Variants in CACNB4 observed in about 807,000 individuals in gnomAD.
CACNB4 encodes calcium voltage-gated channel auxiliary subunit beta 4, also known as voltage-dependent L-type calcium channel subunit beta-4.
CACNB4 carries 32 observed loss-of-function variants against 71.2 expected under a neutral mutation model. The ratio of observed to expected loss-of-function variants is 0.45; its 90% CI spans 0.34 to 0.60. CACNB4 has a LOEUF of 0.60. Among genes scored for constraint, CACNB4 ranks in the 20% least tolerant of loss-of-function variants. The pLI is 0.01. For missense variants in CACNB4, 464 were observed against 647.9 expected, an observed-to-expected ratio of 0.72 and a Z score of 3.08; for synonymous variants, 231 against 236.9, an observed-to-expected ratio of 0.97 and a Z score of 0.23.
intron 2 of CACNB4, among the ~76,000 whole-genome samples, chr2:151,884,617 A>T (rs2099848864): frequency 7.0e-6 from 1 of 141,892 alleles, no homozygotes; most frequent in African/African-American, 2.6e-5. Context: ...CCTGGGCGAC[A>T]CAGCGAGACT....
intron 2 of CACNB4, among the ~76,000 whole-genome samples, chr2:151,951,123 G>A (rs2099866827): frequency 6.6e-6 from 1 of 151,786 alleles, no homozygotes; most frequent in Non-Finnish European, 1.5e-5. Flanking sequence ...ACGGGGTTTC[G>A]CCATGTTGGC....
chr2:151,998,952 T>C (rs1048264569), intron 2 of CACNB4, among the ~76,000 whole-genome samples: 4 of 152,190 alleles, frequency 2.6e-5, no homozygotes, highest in Non-Finnish European at 5.9e-5. Flanking sequence ...CTCACGAAGA[T>C]GCAAAAGTAC....
chr2:152,073,667 T>A (rs533035354), intron 2 of CACNB4, among the ~76,000 whole-genome samples: 6 of 152,314 alleles, frequency 3.9e-5, no homozygotes, highest in Middle Eastern at 3.4e-3. Flanking sequence ...AAATACATTT[T>A]AAAAATGGAA....
intron 2 of CACNB4, among the ~76,000 whole-genome samples, chr2:151,984,856 A>G (rs765249078): frequency 7.9e-5 from 12 of 152,108 alleles, no homozygotes; most frequent in Non-Finnish European, 1.5e-4. Context: ...TATTTCAGCC[A>G]CTCATTATAC....
intron 2 of CACNB4, among the ~76,000 whole-genome samples, chr2:151,893,056 C>T (rs1290355252): frequency 1.3e-5 from 2 of 152,054 alleles, no homozygotes; most frequent in African/African-American, 4.8e-5. Flanking sequence ...TATAAAACTA[C>T]AAAAGTTAAA....
chr2:152,009,200 A>G, intron 2 of CACNB4, among the ~76,000 whole-genome samples: 1 of 151,904 alleles, frequency 6.6e-6, no homozygotes, highest in Non-Finnish European at 1.5e-5. Flanking sequence ...AAAAAAAAAA[A>G]AAAAGAAAGA....
intron 2 of CACNB4, chr2:151,962,829 T>C (rs1483249506): frequency 6.6e-6 from 1 of 152,184 alleles, no homozygotes; most frequent in African/African-American, 2.4e-5. Flanking sequence ...GGTCTACAAG[T>C]AGATAAAGTT....
At chr2:152,015,960 C>T (rs1048474274) in intron 2 of CACNB4, among the ~76,000 whole-genome samples, 1 of 152,176 alleles carries the variant, frequency 6.6e-6, no homozygotes, top group Admixed American at 6.5e-5. Flanking sequence ...AAAAATACAT[C>T]GTTTACAAAA....
intron 2 of CACNB4, among the ~76,000 whole-genome samples, chr2:152,070,453 G>A (rs558038578): frequency 6.6e-6 from 1 of 152,228 alleles, no homozygotes; most frequent in Non-Finnish European, 1.5e-5. Flanking sequence ...GTCAACATGG[G>A]CTGTGGCCCC....
In CACNB4 at chr2:151,836,377, G is replaced by C. The variant is rs1212371178; in HGVS notation, c.*2742C>G. ...TTTTTCAAAGGTGCTTGGTGTGCTT[G>C]GCAAAAATAAAACTTTTCATTTAGT... is the stretch of plus-strand genomic sequence containing the variant. On this transcript the variant is annotated 3_prime_UTR_variant, in exon 14 of 14. Transcript: ENST00000539935. 6.6e-6 allele frequency: 1 copy of C among 151,420 alleles called. No homozygotes were observed. The highest frequency in any genetic ancestry group is 1.5e-5 in the Non-Finnish European group (1 of 67,660). 9.4% of individuals were successfully genotyped at this position (151,420 alleles called of 1,614,324 possible).
intron 2 of CACNB4, among the ~76,000 whole-genome samples, chr2:152,057,283 T>G (rs1307010159): frequency 6.6e-6 from 1 of 152,130 alleles, no homozygotes; most frequent in East Asian, 1.9e-4. Context: ...AATCCTCAGA[T>G]GAGACCCCAG....
At chr2:152,076,290 T>C (rs1687011517) in intron 2 of CACNB4, among the ~76,000 whole-genome samples, 1 of 150,472 alleles carries the variant, frequency 6.6e-6, no homozygotes, top group Non-Finnish European at 1.5e-5. Context: ...TACAGGCTCC[T>C]GACACCACAC....
chr2:151,919,378 T>C (rs1232440587), intron 2 of CACNB4, among the ~76,000 whole-genome samples: 1 of 152,248 alleles, frequency 6.6e-6, no homozygotes, highest in East Asian at 1.9e-4. Flanking sequence ...ATTAGAGATG[T>C]TAGCCACCGC....
chr2:151,928,745 T>G (rs2099860889), intron 2 of CACNB4, among the ~76,000 whole-genome samples: 1 of 151,832 alleles, frequency 6.6e-6, no homozygotes, highest in Non-Finnish European at 1.5e-5. Context: ...GGCAACATGG[T>G]GAAACCCTGT....
intron 2 of CACNB4, among the ~76,000 whole-genome samples, chr2:151,996,439 T>C: frequency 6.7e-6 from 1 of 149,884 alleles, no homozygotes; most frequent in Non-Finnish European, 1.5e-5. Context: ...ATCACGCTGC[T>C]GCACTCCAGC....
chr2:151,958,449 C>G (rs1014638564), intron 2 of CACNB4, among the ~76,000 whole-genome samples: 10 of 152,192 alleles, frequency 6.6e-5, no homozygotes, highest in Non-Finnish European at 1.2e-4. Context: ...AGGGTTGAGG[C>G]CTTCAATCCG....
At chr2:151,868,512 T>C (rs944921755) in intron 9 of CACNB4, 1 of 152,136 alleles carries the variant, frequency 6.6e-6, no homozygotes, top group Non-Finnish European at 1.5e-5. Flanking sequence ...TTCTTTAGAA[T>C]TTTTCACAAA....
At chr2:151,943,886 A>G (rs2099864887) in intron 2 of CACNB4, among the ~76,000 whole-genome samples, 1 of 152,244 alleles carries the variant, frequency 6.6e-6, no homozygotes, top group Non-Finnish European at 1.5e-5. Flanking sequence ...TTTTACCTAC[A>G]TTCAAGAAAG....
intron 2 of CACNB4, among the ~76,000 whole-genome samples, chr2:152,053,722 C>G (rs1198450119): frequency 2.0e-5 from 3 of 151,992 alleles, no homozygotes; most frequent in Non-Finnish European, 4.4e-5. Context: ...TAGAGTCTCA[C>G]TATGTTGCCC....
Sources: allele counts gnomAD v4.1 joint callset (sites outside exome capture counted in the v4.1 genomes callset), GRCh38; gene constraint gnomAD v4.1.1; transcripts MANE v1.5; gene names NCBI Gene and HGNC (gene_info 2026-07-23, HGNC 2026-07-21).